Variants in SLC25A21 observed in about 807,000 individuals in gnomAD.
SLC25A21 encodes solute carrier family 25 member 21.
A neutral mutation model predicts 43.8 loss-of-function variants in SLC25A21; 47 were observed. That is an observed-to-expected ratio of 1.07 (90% confidence interval 0.85 to 1.37). The LOEUF is 1.37. SLC25A21 is among the 40% of genes most tolerant of loss of function. SLC25A21 has a pLI of 0.00. For synonymous variants in SLC25A21, 131 were observed against 121.3 expected (o/e 1.08, Z -0.52); for missense variants, 352 against 350.2 (o/e 1.00, Z -0.04).
chr14:37,111,692 A>G (rs1289647778), intron 1 of SLC25A21, among the ~76,000 whole-genome samples: 1 of 152,226 alleles, frequency 6.6e-6, no homozygotes, highest in Non-Finnish European at 1.5e-5. Context: ...TTGCTACCAT[A>G]TATTTACTCT....
intron 1 of SLC25A21, among the ~76,000 whole-genome samples, chr14:37,027,408 G>C (rs1482455046): frequency 2.6e-5 from 4 of 152,152 alleles, no homozygotes; most frequent in Non-Finnish European, 2.9e-5. Flanking sequence ...CTCAAATCAG[G>C]CATTGACCTC....
chr14:37,031,956 A>G (rs2138769350), intron 1 of SLC25A21, among the ~76,000 whole-genome samples: 1 of 152,304 alleles, frequency 6.6e-6, no homozygotes, highest in Non-Finnish European at 1.5e-5. Flanking sequence ...GGCTCCTTAA[A>G]GAATTCCCAG....
chr14:36,950,956 A>T (rs956787180), intron 1 of SLC25A21, among the ~76,000 whole-genome samples: 1 of 151,824 alleles, frequency 6.6e-6, no homozygotes, highest in Non-Finnish European at 1.5e-5. Context: ...CCCCTCCACA[A>T]CTGCTCTCCA....
intron 9 of SLC25A21, among the ~76,000 whole-genome samples, chr14:36,681,880 C>CA (rs1882282247): frequency 6.6e-6 from 1 of 152,074 alleles, no homozygotes; most frequent in Admixed American, 6.5e-5. Flanking sequence ...CTCTGGCAAA[C>CA]AAAAAGAGCT....
intron 1 of SLC25A21, among the ~76,000 whole-genome samples, chr14:37,094,609 CAT>C (rs140518598): frequency 1.3e-5 from 2 of 151,072 alleles, no homozygotes; most frequent in Non-Finnish European, 1.5e-5. Context: ...TTCACATTCA[CAT>C]ATATATATAT....
intron 1 of SLC25A21, among the ~76,000 whole-genome samples, chr14:37,093,804 TGGGA>T (rs1184592339): frequency 1.3e-5 from 2 of 152,170 alleles, no homozygotes; most frequent in African/African-American, 2.4e-5. Context: ...TCCAACGTGG[TGGGA>T]TTCTACCCAA....
At chr14:36,777,116 G>C (rs1886864853) in intron 3 of SLC25A21, among the ~76,000 whole-genome samples, 1 of 152,216 alleles carries the variant, frequency 6.6e-6, no homozygotes, top group Non-Finnish European at 1.5e-5. Flanking sequence ...AAATTAGCTG[G>C]GGGTGGTGGT....
intron 3 of SLC25A21, among the ~76,000 whole-genome samples, chr14:36,756,802 A>C (rs1049176003): frequency 6.6e-6 from 1 of 152,192 alleles, no homozygotes; most frequent in Admixed American, 6.5e-5. Context: ...TTCAAGATAA[A>C]TATTCAAACA....
At chr14:36,861,695 T>G (rs760562162) in intron 2 of SLC25A21, among the ~76,000 whole-genome samples, 6 of 152,226 alleles carry the variant, frequency 3.9e-5, no homozygotes, top group Non-Finnish European at 8.8e-5. Context: ...TAGAAAACAT[T>G]TTTAAAACTG....
intron 1 of SLC25A21, among the ~76,000 whole-genome samples, chr14:36,967,867 GGTGT>G (rs1959655660): frequency 6.6e-6 from 1 of 152,012 alleles, no homozygotes; most frequent in Non-Finnish European, 1.5e-5. Flanking sequence ...TGTGCGTGTG[GGTGT>G]AATACAATCC....
At chr14:36,830,306 T>C (rs1888990959) in intron 2 of SLC25A21, among the ~76,000 whole-genome samples, 1 of 152,236 alleles carries the variant, frequency 6.6e-6, no homozygotes, top group Non-Finnish European at 1.5e-5. Context: ...CCCATCTGGA[T>C]GAGAAATTAT....
intron 1 of SLC25A21, among the ~76,000 whole-genome samples, chr14:37,153,317 A>G (rs1213134749): frequency 6.6e-6 from 1 of 152,254 alleles, no homozygotes; most frequent in African/African-American, 2.4e-5. Context: ...CTGAGACATT[A>G]CAAAAGCTCA....
At chr14:36,757,380 T>C (rs1269091294) in intron 3 of SLC25A21, among the ~76,000 whole-genome samples, 1 of 152,212 alleles carries the variant, frequency 6.6e-6, no homozygotes, top group Non-Finnish European at 1.5e-5. Flanking sequence ...TATGGTAATA[T>C]CAAATTGCTT....
chr14:37,106,524 C>G (rs1594796087), intron 1 of SLC25A21, among the ~76,000 whole-genome samples: 1 of 152,110 alleles, frequency 6.6e-6, no homozygotes, highest in South Asian at 2.1e-4. Flanking sequence ...GACCGGTTCT[C>G]TGACCTTAAA....
At chr14:37,079,962 G>T (rs1250029306) in intron 1 of SLC25A21, among the ~76,000 whole-genome samples, 3 of 151,954 alleles carry the variant, frequency 2.0e-5, no homozygotes, top group Non-Finnish European at 2.9e-5. Context: ...AGGCCCCAGG[G>T]AGTTGTTTTG....
chr14:37,063,924 T>C (rs753889660), intron 1 of SLC25A21, among the ~76,000 whole-genome samples: 31 of 152,170 alleles, frequency 2.0e-4, no homozygotes, highest in Non-Finnish European at 3.7e-4. Context: ...CCTTGTGCCA[T>C]TGACTATCAC....
At chr14:36,825,959 C>T (rs1225356249) in intron 2 of SLC25A21, among the ~76,000 whole-genome samples, 1 of 152,162 alleles carries the variant, frequency 6.6e-6, no homozygotes, top group African/African-American at 2.4e-5. Context: ...ATTTCAGTCA[C>T]TCCCAAGTAA....
intron 1 of SLC25A21, among the ~76,000 whole-genome samples, chr14:37,130,840 G>T (rs1160964689): frequency 6.6e-6 from 1 of 152,216 alleles, no homozygotes; most frequent in African/African-American, 2.4e-5. Context: ...ATTCTAAACA[G>T]ATGGGGAAAA....
At chr14:36,821,868 A>T (rs144253971) in intron 2 of SLC25A21, among the ~76,000 whole-genome samples, 1 of 152,120 alleles carries the variant, frequency 6.6e-6, no homozygotes, top group Admixed American at 6.6e-5. Context: ...AACAAAAATA[A>T]TAATAATAAC....
Sources: gnomAD v4.1 joint callset for allele counts (sites outside exome capture counted in the v4.1 genomes callset) on GRCh38, gnomAD v4.1.1 for gene constraint, MANE v1.5 for transcripts, NCBI Gene and HGNC (gene_info 2026-07-23, HGNC 2026-07-21) for gene names.